FSIP1: variants seen among roughly 807,000 people sequenced by gnomAD.
The protein encoded by FSIP1 is fibrous sheath interacting protein 1.
In FSIP1, 65 loss-of-function variants were observed where a neutral mutation model predicts 60.9. The ratio of observed to expected loss-of-function variants is 1.07; its 90% confidence interval spans 0.87 to 1.31. The LOEUF (loss-of-function observed/expected upper bound fraction) is 1.31. Ranked by LOEUF, FSIP1 falls within the 40% of genes most tolerant of loss-of-function variation. The pLI is 0.00. For synonymous variants in FSIP1, 209 were observed against 221.2 expected (o/e 0.94, Z 0.49); for missense variants, 675 against 665.5 (o/e 1.01, Z -0.16).
intron 1 of FSIP1, among the ~76,000 whole-genome samples, chr15:39,781,916 T>C (rs1327788842): frequency 6.6e-6 from 1 of 152,252 alleles, no homozygotes; most frequent in Admixed American, 6.5e-5. Context: ...TATACATTTG[T>C]CAAAACTCAC....
intron 8 of FSIP1, among the ~76,000 whole-genome samples, chr15:39,735,572 A>G (rs2140625404): frequency 6.6e-6 from 1 of 152,318 alleles, no homozygotes; most frequent in East Asian, 1.9e-4. Flanking sequence ...CAAGGACATT[A>G]CTGGCTGCTA....
chr15:39,630,466 C>T (rs79348597), intron 10 of FSIP1, among the ~76,000 whole-genome samples: 5,420 of 152,246 alleles, frequency 0.036, 194 homozygotes, highest in East Asian at 0.11. Flanking sequence ...TCCCTGTCAG[C>T]GGGTCCCTTA....
At chr15:39,633,564 A>G (rs1336311826) in intron 10 of FSIP1, among the ~76,000 whole-genome samples, 1 of 152,200 alleles carries the variant, frequency 6.6e-6, no homozygotes, top group Non-Finnish European at 1.5e-5. Flanking sequence ...AATGCACAGT[A>G]TAATTACTGT....
chr15:39,717,289 G>A lies in FSIP1; in HGVS notation c.1051-3708C>T, dbSNP rs898998575. Reference sequence around the variant, plus strand: ...TCAATAGAGTATGATAAACTATGGTGAGCACCTGCCACAGCTGGGACAATC... The same window carrying A: ...TCAATAGAGTATGATAAACTATGGTAAGCACCTGCCACAGCTGGGACAATC... On this transcript the variant is annotated intron_variant, in intron 9 of 11. Coordinates refer to ENST00000350221, the MANE Select transcript of FSIP1 (RefSeq NM_152597.5). Among the ~76,000 whole-genome samples, 5 of 152,216 alleles carry A rather than the reference G, an allele frequency of 3.3e-5. No homozygotes were observed. The East Asian group carries it at 9.6e-4, about 29-fold the overall frequency.
intron 10 of FSIP1, among the ~76,000 whole-genome samples, chr15:39,626,367 G>A (rs1451317999): frequency 6.6e-6 from 1 of 152,182 alleles, no homozygotes; most frequent in Admixed American, 6.5e-5. Flanking sequence ...GTTCATTTAA[G>A]GCCAGGTCAG....
At chr15:39,650,221 G>C (rs1018369481) in intron 10 of FSIP1, among the ~76,000 whole-genome samples, 6 of 152,190 alleles carry the variant, frequency 3.9e-5, no homozygotes, top group African/African-American at 4.8e-5. Context: ...ATTCCTAAGA[G>C]GGTTATATAA....
intron 9 of FSIP1, among the ~76,000 whole-genome samples, chr15:39,714,690 C>T (rs990561539): frequency 6.6e-6 from 1 of 151,654 alleles, no homozygotes; most frequent in African/African-American, 2.4e-5. Context: ...AAGGACAGGA[C>T]AGGCCTGGTG....
intron 3 of FSIP1, among the ~76,000 whole-genome samples, chr15:39,766,740 C>T (rs1232037103): frequency 2.6e-5 from 4 of 152,234 alleles, no homozygotes; most frequent in African/African-American, 9.6e-5. Context: ...CAGATTAGAT[C>T]ATTAGAAGTG....
At chr15:39,780,804 T>C (rs1595413823) in intron 1 of FSIP1, among the ~76,000 whole-genome samples, 1 of 152,210 alleles carries the variant, frequency 6.6e-6, no homozygotes, top group African/African-American at 2.4e-5. Flanking sequence ...GCCAGGCTGG[T>C]CTCGAACCCC....
At chr15:39,628,717 G>T (rs7162070) in intron 10 of FSIP1, among the ~76,000 whole-genome samples, 3 of 152,014 alleles carry the variant, frequency 2.0e-5, no homozygotes, top group African/African-American at 7.3e-5. Flanking sequence ...AACAGCAGAA[G>T]TTAGCAGGGG....
chr15:39,770,272 T>C (rs1034322910), intron 3 of FSIP1, among the ~76,000 whole-genome samples, 155 bp downstream of exon 3: 1 of 152,222 alleles, frequency 6.6e-6, no homozygotes, highest in East Asian at 1.9e-4. Flanking sequence ...TAAAAAGTGA[T>C]TGCTTGCTCA....
At chr15:39,688,363 C>T (rs1894467361) in intron 10 of FSIP1, among the ~76,000 whole-genome samples, 1 of 152,158 alleles carries the variant, frequency 6.6e-6, no homozygotes, top group South Asian at 2.1e-4. Context: ...ATGCTCAGAA[C>T]ACTTATATTA....
chr15:39,605,113 C>T (rs1890775422), intron 11 of FSIP1, among the ~76,000 whole-genome samples: 1 of 152,188 alleles, frequency 6.6e-6, no homozygotes, highest in African/African-American at 2.4e-5. Context: ...CAAGTATATT[C>T]AGATTATATA....
intron 10 of FSIP1, among the ~76,000 whole-genome samples, chr15:39,620,752 T>G (rs1891410400): frequency 6.9e-6 from 1 of 145,672 alleles, no homozygotes. Context: ...CCACCACACC[T>G]GGCTAATATA....
chr15:39,636,474 G>A (rs999342723), intron 10 of FSIP1, among the ~76,000 whole-genome samples: 7 of 152,166 alleles, frequency 4.6e-5, no homozygotes, highest in African/African-American at 1.7e-4. Flanking sequence ...TAGGGCAGAA[G>A]GAGAACTGAC....
chr15:39,739,508 CT>C (rs1184080771), intron 7 of FSIP1, among the ~76,000 whole-genome samples, 156 bp downstream of exon 7: 1 of 152,136 alleles, frequency 6.6e-6, no homozygotes, highest in African/African-American at 2.4e-5. Flanking sequence ...TAATGAAGTA[CT>C]GGTTCATAAA....
Position 39,713,650 on chromosome 15 carries a change from C to A in FSIP1, c.1051-69G>T. The A allele has an allele frequency of 2.1e-6, 3 of 1,409,732 alleles. 1 individual carries two copies. Among genetic ancestry groups the A allele is most frequent in the African/African-American group, 2.9e-5 (2 of 68,812 alleles). 87.3% of individuals were successfully genotyped at this position (1,409,732 alleles called of 1,614,324 possible). A position where few individuals can be genotyped will look rare whatever the true frequency, so the allele number is the denominator to read the frequency against. ...TGTGCTGTCACATACCACCTCAAAG[C>A]AACTGAGCCTTGAGGGTTAGCTTTG... On this transcript the variant is annotated intron_variant, in intron 9 of 11. Coordinates refer to ENST00000350221, the MANE Select transcript of FSIP1 (RefSeq NM_152597.5).
intron 5 of FSIP1, among the ~76,000 whole-genome samples, chr15:39,748,053 T>C (rs1160875215): frequency 6.6e-6 from 1 of 152,180 alleles, no homozygotes; most frequent in Non-Finnish European, 1.5e-5. Flanking sequence ...ATTATGCTCA[T>C]TACTCCAATA....
intron 10 of FSIP1, among the ~76,000 whole-genome samples, chr15:39,637,846 G>T (rs10520139): frequency 0.038 from 5,843 of 152,222 alleles, 390 homozygotes; most frequent in African/African-American, 0.13. Context: ...GTATTTTGGG[G>T]AAGCATCATT....
Sources: allele counts gnomAD v4.1 joint callset (sites outside exome capture counted in the v4.1 genomes callset), GRCh38; gene constraint gnomAD v4.1.1; transcripts MANE v1.5; gene names NCBI Gene and HGNC (gene_info 2026-07-23, HGNC 2026-07-21).